NRXN1: variants seen among roughly 807,000 people sequenced by gnomAD.
NRXN1 encodes neurexin-1.
NRXN1 carries 39 observed loss-of-function variants against 150.9 expected under a neutral mutation model. The ratio of observed to expected loss-of-function variants is 0.26; its 90% CI spans 0.20 to 0.34. The LOEUF is 0.34. NRXN1 is among the 10% of genes least tolerant of loss of function. NRXN1 has a pLI of 1.00. For synonymous variants in NRXN1, 924 were observed against 757.0 expected (o/e 1.22, Z -3.62); for missense variants, 1,815 against 1,949.9 (o/e 0.93, Z 1.30).
chr2:50,398,939 G>A (rs1217251571), intron 17 of NRXN1, among the ~76,000 whole-genome samples: 1 of 152,060 alleles, frequency 6.6e-6, no homozygotes, highest in Non-Finnish European at 1.5e-5. Flanking sequence ...AGGTATACAA[G>A]CATATACATG....
Position 50,347,061 on chromosome 2 carries a change from C to T in NRXN1, c.3365-110091G>A. 5 of 1,379,420 alleles carry T rather than the reference C, an allele frequency of 3.6e-6. No homozygotes were observed. In the South Asian group the frequency reaches 6.1e-5, roughly 17 times the overall value. 85.4% of individuals were successfully genotyped at this position (1,379,420 alleles called of 1,614,324 possible). A position where few individuals can be genotyped will look rare whatever the true frequency, so the allele number is the denominator to read the frequency against. ...CGGAGTGGGCTGAGGGGCCGGCCGC[C>T]TCACCGCGCCAGGGCACCCATCCTC... is the stretch of plus-strand genomic sequence containing the variant. On this transcript the variant is annotated intron_variant, in intron 17 of 22. Transcript: ENST00000401669. The surrounding 1 kb of genome is among the most constrained non-coding windows in gnomAD (Gnocchi z 4.9).
At chr2:50,313,680 G>A (rs1426418583) in intron 17 of NRXN1, among the ~76,000 whole-genome samples, 1 of 152,096 alleles carries the variant, frequency 6.6e-6, no homozygotes, top group Non-Finnish European at 1.5e-5. Flanking sequence ...CAGTCCAAGA[G>A]TAGCCAGACC....
chr2:50,273,047 C>T (rs993529010), intron 17 of NRXN1, among the ~76,000 whole-genome samples: 2 of 151,992 alleles, frequency 1.3e-5, no homozygotes, highest in African/African-American at 4.8e-5. Context: ...AAAGAAGTGG[C>T]TCTAAACATA....
At chr2:50,812,322 T>C (rs1002789121) in intron 5 of NRXN1, among the ~76,000 whole-genome samples, 1 of 152,196 alleles carries the variant, frequency 6.6e-6, no homozygotes, top group Non-Finnish European at 1.5e-5. Context: ...ATAATATCTT[T>C]GCGGTTACAT....
chr2:50,280,544 T>C (rs1413066935), intron 17 of NRXN1, among the ~76,000 whole-genome samples: 1 of 152,054 alleles, frequency 6.6e-6, no homozygotes, highest in East Asian at 1.9e-4. Flanking sequence ...AAATATTGTA[T>C]TTCATCTATT....
chr2:50,306,602 C>A (rs566316505), intron 17 of NRXN1, among the ~76,000 whole-genome samples: 2 of 152,314 alleles, frequency 1.3e-5, no homozygotes, highest in South Asian at 2.1e-4. Flanking sequence ...TCAGTAAGTA[C>A]TTTCCCCTTT....
At chr2:50,936,163 C>T (rs549914893) in intron 2 of NRXN1, among the ~76,000 whole-genome samples, 1 of 152,082 alleles carries the variant, frequency 6.6e-6, no homozygotes, top group Non-Finnish European at 1.5e-5. Context: ...AAGATGATTT[C>T]CAAAAGATAC....
At chr2:49,951,240 C>T (rs1673900695) in intron 21 of NRXN1, among the ~76,000 whole-genome samples, 1 of 151,678 alleles carries the variant, frequency 6.6e-6, no homozygotes, top group African/African-American at 2.4e-5. Context: ...TTTGAGTAAT[C>T]AAAAAATAAC....
intron 5 of NRXN1, chr2:50,919,867 A>AG (rs1429185398): frequency 5.5e-6 from 1 of 180,470 alleles, no homozygotes; most frequent in Non-Finnish European, 1.3e-5. Context: ...ACTTTGTACC[A>AG]GTCTCACAGC....
chr2:50,730,537 A>C (rs778077878), intron 5 of NRXN1, among the ~76,000 whole-genome samples: 1 of 152,170 alleles, frequency 6.6e-6, no homozygotes, highest in East Asian at 1.9e-4. Flanking sequence ...TGCAGCCTTC[A>C]AAAAGATAAC....
chr2:50,879,157 G>A (rs1679057369), intron 5 of NRXN1, among the ~76,000 whole-genome samples: 1 of 151,816 alleles, frequency 6.6e-6, no homozygotes, highest in Non-Finnish European at 1.5e-5. Context: ...CCGAAGACAG[G>A]TTTCTCAGAA....
At chr2:50,434,575 C>T (rs546899930) in intron 17 of NRXN1, among the ~76,000 whole-genome samples, 2 of 152,214 alleles carry the variant, frequency 1.3e-5, no homozygotes, top group Non-Finnish European at 2.9e-5. Context: ...ACAAGCTGGA[C>T]GCCAGACTTG....
chr2:50,472,589 T>G, intron 15 of NRXN1, 118 bp from the exon 16 acceptor site: 2 of 721,260 alleles, frequency 2.8e-6, no homozygotes, highest in South Asian at 4.6e-5. Context: ...AAAATTAATT[T>G]ATGACTAGCT....
intron 5 of NRXN1, among the ~76,000 whole-genome samples, chr2:50,716,603 A>T (rs572331323): frequency 1.6e-4 from 25 of 152,270 alleles, no homozygotes; most frequent in African/African-American, 5.8e-4. Flanking sequence ...GATAATGAGA[A>T]CTTGTTGCAT....
Position 51,028,628 on chromosome 2 carries a change from A to C in NRXN1, c.-355T>G. ...CCATTTGAGTCTGATTAACTAATTTAAGAGTATCTGCAGTGTCAACAGATA... is the reference window on the plus strand; with the variant it reads ...CCATTTGAGTCTGATTAACTAATTTCAGAGTATCTGCAGTGTCAACAGATA... On this transcript the variant is annotated 5_prime_UTR_variant, in exon 2 of 23. Coordinates refer to ENST00000401669, the MANE Select transcript of NRXN1 (RefSeq NM_001330078.2). 1 of 223,492 alleles carries C rather than the reference A, an allele frequency of 4.5e-6. No homozygotes were observed. The highest frequency in any genetic ancestry group is 8.7e-6 in the Non-Finnish European group (1 of 115,326). 13.8% of individuals were successfully genotyped at this position (223,492 alleles called of 1,614,324 possible).
chr2:50,921,308 C>A (rs1686000300), intron 5 of NRXN1, among the ~76,000 whole-genome samples: 1 of 151,674 alleles, frequency 6.6e-6, no homozygotes, highest in African/African-American at 2.4e-5. Context: ...TTGATAATGC[C>A]CTTAAAACAA....
chr2:50,404,612 T>A (rs915729901), intron 17 of NRXN1, among the ~76,000 whole-genome samples: 1 of 152,124 alleles, frequency 6.6e-6, no homozygotes, highest in African/African-American at 2.4e-5. Flanking sequence ...AGGCTCTAGC[T>A]AGCTACACAG....
intron 8 of NRXN1, among the ~76,000 whole-genome samples, chr2:50,594,070 T>A (rs1674742826): frequency 6.6e-6 from 1 of 152,204 alleles, no homozygotes; most frequent in Non-Finnish European, 1.5e-5. Flanking sequence ...CTTATTTGCT[T>A]CGCCTTCCAC....
chr2:50,006,658 G>A (rs1684814739), intron 21 of NRXN1, among the ~76,000 whole-genome samples: 1 of 152,088 alleles, frequency 6.6e-6, no homozygotes, highest in Non-Finnish European at 1.5e-5. Context: ...CAAATGAAAT[G>A]CCTCTTCCAC....
Sources: gnomAD v4.1 joint callset for allele counts (sites outside exome capture counted in the v4.1 genomes callset) on GRCh38, gnomAD v4.1.1 for gene constraint, Gnocchi (gnomAD v3.1) non-coding constraint, MANE v1.5 for transcripts, NCBI Gene and HGNC (gene_info 2026-07-23, HGNC 2026-07-21) for gene names.